The following CDC16 variants were observed in gnomAD, a reference collection of about 807,000 sequenced individuals.
CDC16 encodes the protein cell division cycle protein 16 homolog.
A neutral mutation model predicts 87.0 loss-of-function variants in CDC16; 34 were observed. The ratio of observed to expected loss-of-function variants is 0.39; its 90% CI spans 0.30 to 0.52. The LOEUF (loss-of-function observed/expected upper bound fraction) is 0.52. CDC16 is among the 20% of genes least tolerant of loss of function. The probability of loss-of-function intolerance (pLI) is 0.74; values close to 1 mark genes in which losing one functional copy is unlikely to be tolerated. For missense variants in CDC16, 653 were observed against 751.9 expected, an observed-to-expected ratio of 0.87 and a Z score of 1.54; for synonymous variants, 263 against 260.6, an observed-to-expected ratio of 1.01 and a Z score of -0.09.
In CDC16 at chr13:114,255,008, CT is replaced by C. The variant is rs2082410556; in HGVS notation, c.1098-2067del. Among the ~76,000 whole-genome samples the C allele has an allele frequency of 2.0e-5, 3 of 152,340 alleles. No homozygotes were observed. The South Asian group carries it at 6.2e-4, about 32-fold the overall frequency. Reference sequence around the variant, plus strand: ...ACATTGCTTACTATTGATAATAACTCTTTCAACCAATCAGAAAAATCTTAAA... The same window carrying C: ...ACATTGCTTACTATTGATAATAACTCTTCAACCAATCAGAAAAATCTTAAA... On this transcript the variant is annotated intron_variant, in intron 12 of 17. Transcript: ENST00000356221.
chr13:114,258,442 T>G (rs979432737), intron 13 of CDC16, among the ~76,000 whole-genome samples: 1 of 152,224 alleles, frequency 6.6e-6, no homozygotes, highest in Non-Finnish European at 1.5e-5. Context: ...TGCCACAGTT[T>G]TCACATTTTT....
intron 17 of CDC16, among the ~76,000 whole-genome samples, chr13:114,270,213 A>C (rs1401041506): frequency 6.6e-6 from 1 of 152,148 alleles, no homozygotes; most frequent in Non-Finnish European, 1.5e-5. Flanking sequence ...GGGAGGCCTC[A>C]GGAAACTTGA....
intron 5 of CDC16, 66 bp downstream of exon 5, chr13:114,239,556 C>A: frequency 7.1e-7 from 1 of 1,414,084 alleles, no homozygotes; most frequent in Non-Finnish European, 9.3e-7. Flanking sequence ...GTGGCAGAAA[C>A]ACATTATCTT....
chr13:114,235,028 G>A lies in CDC16; in HGVS notation c.-57G>A, dbSNP rs2081172649. 6 of 1,230,574 alleles carry A rather than the reference G, an allele frequency of 4.9e-6. No individual in the cohort carries two copies. Among genetic ancestry groups the A allele is most frequent in the Admixed American group, 4.2e-5 (1 of 23,746 alleles). The allele number at this position is 1,230,574 out of a possible 1,614,324, so 76.2% of individuals were successfully genotyped here. On this transcript the variant is annotated 5_prime_UTR_variant, in exon 1 of 18. It adds an upstream start codon to the 5' untranslated region. Transcript: ENST00000356221. ...ACGGGCACGGGGCGGGGTGCTTAGGGTGCAGGAGGCGCGCGCCTAGCGGCG... is the reference window on the plus strand; with the variant it reads ...ACGGGCACGGGGCGGGGTGCTTAGGATGCAGGAGGCGCGCGCCTAGCGGCG...
Position 114,241,178 on chromosome 13 carries a change from C to G in CDC16, c.382-943C>G, listed in dbSNP as rs952062760. ...TGGCTGTTGAACGCCTTACTATGTG[C>G]TAGCACCACAGAGATGGTAGCATCT... On this transcript the variant is annotated intron_variant, in intron 5 of 17. Transcript: ENST00000356221. Among the ~76,000 whole-genome samples, 54 of 152,284 alleles carry G rather than the reference C, an allele frequency of 3.5e-4. 1 individual carries two copies. The highest frequency in any genetic ancestry group is 1.3e-3 in the African/African-American group (53 of 41,572).
At chr13:114,250,752 G>A (rs2082128094) in intron 12 of CDC16, 78 bp downstream of exon 12, 1 of 1,395,048 alleles carries the variant, frequency 7.2e-7, no homozygotes, top group Non-Finnish European at 9.9e-7. Flanking sequence ...TACTATTACT[G>A]CTATTTGGTT....
intron 13 of CDC16, among the ~76,000 whole-genome samples, chr13:114,258,800 A>G (rs992121775): frequency 6.6e-6 from 1 of 152,170 alleles, no homozygotes; most frequent in Admixed American, 6.6e-5. Flanking sequence ...GTGACTTTAT[A>G]GAACATAAAT....
At chr13:114,266,845 A>G (rs769097603) in intron 17 of CDC16, among the ~76,000 whole-genome samples, 3 of 151,944 alleles carry the variant, frequency 2.0e-5, no homozygotes, top group Admixed American at 6.6e-5. Flanking sequence ...ACAGGCACCC[A>G]TCACCACGCC....
chr13:114,269,034 A>G (rs1429244646), intron 17 of CDC16, among the ~76,000 whole-genome samples: 3 of 151,664 alleles, frequency 2.0e-5, no homozygotes, highest in African/African-American at 7.3e-5. Context: ...CTGCCTAACC[A>G]CTCCAAAACC....
At chr13:114,265,057 C>G in intron 16 of CDC16, 93 bp from the exon 17 acceptor site, 1 of 932,486 alleles carries the variant, frequency 1.1e-6, no homozygotes, top group Non-Finnish European at 1.8e-6. Flanking sequence ...CTTCCCCCAC[C>G]CTGGATGCCC....
At chr13:114,272,066 GTATTT>G (rs1291764847) in intron 17 of CDC16, 113 bp from the exon 18 acceptor site, 1 of 580,634 alleles carries the variant, frequency 1.7e-6, no homozygotes, top group African/African-American at 1.9e-5. Context: ...ATGGAGTTTT[GTATTT>G]TATTCTAAAT....
Position 114,234,981 on chromosome 13 carries a change from G to C in CDC16, c.-104G>C. ...CGCGGCCTTCGAGTCCTGGGGCGGC[G>C]GCGGCGGCTGCAGGCACGGGCACGG... is the stretch of plus-strand genomic sequence containing the variant. On this transcript the variant is annotated 5_prime_UTR_variant, in exon 1 of 18. Transcript: ENST00000356221. 1.1e-6 allele frequency: 1 copy of C among 939,858 alleles called. No individual in the cohort carries two copies. Among genetic ancestry groups the C allele is most frequent in the Non-Finnish European group, 1.4e-6 (1 of 719,164 alleles). The allele number at this position is 939,858 out of a possible 1,614,324, so 58.2% of individuals were successfully genotyped here. A position where few individuals can be genotyped will look rare whatever the true frequency, so the allele number is the denominator to read the frequency against.
intron 1 of CDC16, among the ~76,000 whole-genome samples, chr13:114,236,289 G>A (rs2081246737): frequency 6.6e-6 from 1 of 152,142 alleles, no homozygotes; most frequent in Non-Finnish European, 1.5e-5. Context: ...TTAACAGCTC[G>A]TTGAAAGTGT....
intron 17 of CDC16, among the ~76,000 whole-genome samples, chr13:114,268,829 ATAAATAAAACCTTAG>A (rs1303733748): frequency 1.3e-5 from 2 of 152,140 alleles, no homozygotes; most frequent in Non-Finnish European, 2.9e-5. Flanking sequence ...AGTAATAATA[ATAAATAAAACCTTAG>A]TGAGAAACCA....
At position 114,246,032 on chromosome 13, in the gene CDC16, T is replaced by G. The variant is rs754521696; in HGVS notation, c.880T>G (p.Leu294Val). 6.7e-6 allele frequency: 10 copies of G among 1,496,452 alleles called. No homozygotes were observed. Among genetic ancestry groups the G allele is most frequent in the Non-Finnish European group, 9.2e-6 (10 of 1,089,692 alleles). 92.7% of individuals were successfully genotyped at this position (1,496,452 alleles called of 1,614,324 possible). A position where few individuals can be genotyped will look rare whatever the true frequency, so the allele number is the denominator to read the frequency against. ...LFYLSHKLVD[L>V]YPSNPVSWFA... ...CTATCTTTCTCATAAACTGGTGGAT[T>G]TATATCCTAGTAATCCTGTAAGTAA... The change falls in exon 10 of 18, where the codon TTA (leucine) becomes GTA (valine). Residue 294 changes from leucine to valine, a missense_variant. Leu to Val is a conservative substitution (Grantham distance 32, BLOSUM62 1). Coordinates refer to ENST00000356221, the MANE Select transcript of CDC16 (RefSeq NM_001078645.3).
chr13:114,261,545 C>T (rs1230357240), intron 14 of CDC16, among the ~76,000 whole-genome samples: 1 of 151,768 alleles, frequency 6.6e-6, no homozygotes, highest in African/African-American at 2.4e-5. Flanking sequence ...GTGCACTAAA[C>T]TTAAAGTGCT....
chr13:114,263,281 G>C (rs994464019), intron 16 of CDC16, among the ~76,000 whole-genome samples: 2 of 152,166 alleles, frequency 1.3e-5, no homozygotes, highest in African/African-American at 2.4e-5. Context: ...TGCTGAGCAC[G>C]GGGTTATCTG....
intron 11 of CDC16, among the ~76,000 whole-genome samples, chr13:114,248,336 A>C (rs1482130239): frequency 1.3e-5 from 2 of 152,212 alleles, no homozygotes; most frequent in Admixed American, 6.5e-5. Flanking sequence ...GTGACTTACC[A>C]ACTGAAATTC....
chr13:114,245,687 G>A (rs1300953005), intron 9 of CDC16: 1 of 251,636 alleles, frequency 4.0e-6, no homozygotes, highest in Non-Finnish European at 7.5e-6. Context: ...TTGGTTGTGG[G>A]TGATTATGAT....
Sources: gnomAD v4.1 joint callset for allele counts (sites outside exome capture counted in the v4.1 genomes callset) on GRCh38, gnomAD v4.1.1 for gene constraint, MANE v1.5 for transcripts, NCBI Gene and HGNC (gene_info 2026-07-23, HGNC 2026-07-21) for gene names.